Variants in EYA4 observed in about 807,000 individuals in gnomAD.
EYA4 encodes EYA transcriptional coactivator and phosphatase 4.
A neutral mutation model predicts 87.9 loss-of-function variants in EYA4; 31 were observed. The observed-to-expected ratio is 0.35, with a 90% CI of 0.27 to 0.48. The LOEUF is 0.48. Among genes scored for constraint, EYA4 ranks in the 20% least tolerant of loss-of-function variants. The pLI is 0.99. For synonymous variants in EYA4, 263 were observed against 270.6 expected (o/e 0.97, Z 0.28); for missense variants, 678 against 761.4 (o/e 0.89, Z 1.29).
chr6:133,463,292 A>G (rs1052502360), intron 9 of EYA4, among the ~76,000 whole-genome samples: 1 of 151,092 alleles, frequency 6.6e-6, no homozygotes, highest in Non-Finnish European at 1.5e-5. Flanking sequence ...AATCCTCCAT[A>G]TAGGCATATA....
intron 2 of EYA4, among the ~76,000 whole-genome samples, chr6:133,374,091 G>A (rs978653165): frequency 1.5e-4 from 23 of 152,040 alleles, no homozygotes; most frequent in African/African-American, 4.6e-4. Flanking sequence ...AGGAGAAAAC[G>A]TGCTTTGGCA....
At chr6:133,284,532 G>A (rs1472462827) in intron 2 of EYA4, among the ~76,000 whole-genome samples, 1 of 152,176 alleles carries the variant, frequency 6.6e-6, no homozygotes, top group African/African-American at 2.4e-5. Context: ...GAAATTAAAT[G>A]ATAGTTCAGC....
In EYA4 at chr6:133,468,670, A is replaced by C; in HGVS notation, c.909A>C (p.Thr303=). The C allele has an allele frequency of 6.2e-7, 1 of 1,613,060 alleles. No individual in the cohort carries two copies. The highest frequency in any genetic ancestry group is 1.1e-5 in the South Asian group (1 of 91,064). Residue 303 remains threonine (T), a synonymous_variant, in exon 11 of 20, where the codon ACA becomes ACC. Transcript: ENST00000355286. The part of the protein sequence containing the change: ...YMTSNNTADG[T]PSSTSTYQLQ... ...CATCGAATAACACAGCCGATGGCAC[A>C]CCCTCTTCAACCTCTACTTATCAGT... is the stretch of plus-strand genomic sequence containing the variant.
chr6:133,416,352 G>A (rs1789711729), intron 3 of EYA4, among the ~76,000 whole-genome samples: 1 of 152,176 alleles, frequency 6.6e-6, no homozygotes, highest in Non-Finnish European at 1.5e-5. Context: ...TGGTTAGTGA[G>A]GGAAGGGGAA....
intron 2 of EYA4, among the ~76,000 whole-genome samples, chr6:133,346,693 G>C (rs1156402486): frequency 1.3e-5 from 2 of 151,466 alleles, no homozygotes; most frequent in African/African-American, 2.4e-5. Flanking sequence ...TCATCTGGCA[G>C]GTATGCTCAT....
chr6:133,518,479 A>G (rs532855182), intron 17 of EYA4, among the ~76,000 whole-genome samples: 88 of 152,268 alleles, frequency 5.8e-4, no homozygotes, highest in African/African-American at 1.9e-3. Flanking sequence ...CACCAACCCA[A>G]TAGTTTTCAC....
intron 13 of EYA4, among the ~76,000 whole-genome samples, chr6:133,493,095 A>G (rs1380568545): frequency 1.3e-5 from 2 of 152,202 alleles, no homozygotes; most frequent in African/African-American, 2.4e-5. Context: ...GAAAAAAACA[A>G]TCCTAAAATT....
chr6:133,357,353 C>G (rs1236095344), intron 2 of EYA4, among the ~76,000 whole-genome samples: 1 of 150,710 alleles, frequency 6.6e-6, no homozygotes, highest in African/African-American at 2.4e-5. Flanking sequence ...GTTTTATTTC[C>G]TAGCAAAGAA....
At chr6:133,399,994 T>C in intron 3 of EYA4, among the ~76,000 whole-genome samples, 1 of 152,212 alleles carries the variant, frequency 6.6e-6, no homozygotes, top group East Asian at 1.9e-4. Flanking sequence ...TCATACTATT[T>C]ATAGGGTTCC....
intron 13 of EYA4, among the ~76,000 whole-genome samples, chr6:133,502,958 GCTTA>G (rs763649100): frequency 3.0e-4 from 45 of 152,250 alleles, no homozygotes; most frequent in Admixed American, 5.9e-4. Flanking sequence ...TTGCCAAAAT[GCTTA>G]CTAAGTCCTG....
chr6:133,253,856 A>G (rs1582754180), intron 1 of EYA4, among the ~76,000 whole-genome samples: 1 of 152,246 alleles, frequency 6.6e-6, no homozygotes, highest in Admixed American at 6.5e-5. Flanking sequence ...ATGAACTCAC[A>G]GAGGGGAGAG....
At chr6:133,421,683 G>C (rs1221410325) in intron 3 of EYA4, among the ~76,000 whole-genome samples, 2 of 152,134 alleles carry the variant, frequency 1.3e-5, no homozygotes, top group Non-Finnish European at 2.9e-5. Context: ...CTATTGTTTT[G>C]CTTAAAGCTA....
At chr6:133,342,625 G>A (rs1456772968) in intron 2 of EYA4, among the ~76,000 whole-genome samples, 1 of 113,736 alleles carries the variant, frequency 8.8e-6, no homozygotes, top group Non-Finnish European at 1.8e-5. Context: ...ATTTCTCTGG[G>A]CTTAACTGAA....
intron 2 of EYA4, among the ~76,000 whole-genome samples, chr6:133,294,023 TTATATATATATATATATATATATATATA>T (rs71771244): frequency 0.26 from 20,766 of 78,892 alleles, 2,559 homozygotes; most frequent in Non-Finnish European, 0.27. Flanking sequence ...TAGGGTGATT[TTATATATATATATATATATATATATATA>T]TATATATATA....
chr6:133,513,012 A>G lies in EYA4; in HGVS notation c.1475A>G (p.Tyr492Cys). ...CGTTACAGAAGAGTAAAAGAATTAT[A>G]TAACACCTACAAGAACAACGTTGGA... ...AFRYRRVKEL[Y>C]NTYKNNVGGL... The change falls in exon 16 of 20, where the codon TAT becomes TGT. Residue 492 changes from tyrosine (Y) to cysteine (C), a missense_variant. Coordinates refer to ENST00000355286, the MANE Select transcript of EYA4 (RefSeq NM_004100.5). 1 of 1,614,124 alleles carries G rather than the reference A, an allele frequency of 6.2e-7. No individual in the cohort carries two copies. The highest frequency in any genetic ancestry group is 8.5e-7 in the Non-Finnish European group (1 of 1,179,990).
chr6:133,494,911 A>G (rs550577883), intron 13 of EYA4, among the ~76,000 whole-genome samples: 1 of 152,276 alleles, frequency 6.6e-6, no homozygotes, highest in South Asian at 2.1e-4. Flanking sequence ...AATGATAAGC[A>G]CTTGAGGTGA....
intron 2 of EYA4, among the ~76,000 whole-genome samples, chr6:133,321,628 A>G (rs1781098535): frequency 6.6e-6 from 1 of 152,276 alleles, no homozygotes; most frequent in East Asian, 1.9e-4. Context: ...TTCATGTTTA[A>G]ATTGGTCGAT....
intron 2 of EYA4, among the ~76,000 whole-genome samples, chr6:133,310,317 T>C (rs1263656512): frequency 6.6e-6 from 1 of 152,202 alleles, no homozygotes; most frequent in African/African-American, 2.4e-5. Context: ...TACTTCACTA[T>C]CTATATGATT....
intron 3 of EYA4, among the ~76,000 whole-genome samples, chr6:133,401,078 T>A (rs570830510): frequency 1.2e-4 from 18 of 152,228 alleles, no homozygotes; most frequent in Non-Finnish European, 2.1e-4. Flanking sequence ...AATTAAATCC[T>A]GTTATTTGCA....
Sources: gnomAD v4.1 joint callset for allele counts (sites outside exome capture counted in the v4.1 genomes callset) on GRCh38, gnomAD v4.1.1 for gene constraint, MANE v1.5 for transcripts, NCBI Gene and HGNC (gene_info 2026-07-23, HGNC 2026-07-21) for gene names.